NPAS3: variants seen among roughly 807,000 people sequenced by gnomAD.
NPAS3 encodes the protein neuronal PAS domain protein 3, also known as neuronal PAS domain-containing protein 3.
NPAS3 carries 14 observed loss-of-function variants against 73.1 expected under a neutral mutation model. The ratio of observed to expected loss-of-function variants is 0.19; its 90% CI spans 0.13 to 0.30. The LOEUF is 0.30. Ranked by LOEUF, NPAS3 falls within the 10% of genes least tolerant of loss-of-function variation. The pLI is 1.00. For synonymous variants in NPAS3, 620 were observed against 541.5 expected (o/e 1.14, Z -2.01); for missense variants, 1,096 against 1,250.0 (o/e 0.88, Z 1.86).
At chr14:33,490,724 T>C (rs967235792) in intron 4 of NPAS3, among the ~76,000 whole-genome samples, 4 of 152,180 alleles carry the variant, frequency 2.6e-5, no homozygotes, top group African/African-American at 7.2e-5. Context: ...TCCGTCACCC[T>C]GCACTGTGCT....
chr14:33,062,844 T>C (rs1224082606), intron 2 of NPAS3, among the ~76,000 whole-genome samples: 1 of 152,242 alleles, frequency 6.6e-6, no homozygotes, highest in East Asian at 1.9e-4. Flanking sequence ...GTGGTTTCAG[T>C]AAATTCTCCT....
At chr14:33,262,473 G>A (rs1467177204) in intron 3 of NPAS3, among the ~76,000 whole-genome samples, 1 of 152,146 alleles carries the variant, frequency 6.6e-6, no homozygotes, top group Non-Finnish European at 1.5e-5. Context: ...TTGATTCATT[G>A]AAATTAGGTA....
intron 4 of NPAS3, among the ~76,000 whole-genome samples, chr14:33,504,256 G>A (rs1204753849): frequency 6.6e-6 from 1 of 151,968 alleles, no homozygotes; most frequent in African/African-American, 2.4e-5. Context: ...TCCTCTGTGA[G>A]CTGACTTACA....
At position 32,997,144 on chromosome 14, in the gene NPAS3, T is replaced by C. The variant is rs146379637; in HGVS notation, c.50+57778T>C. ...TGACTGCCCTGCTGGATTTCAGACG[T>C]GCATGGGGCCTGTAGCCCCTTTGTT... On this transcript the variant is annotated intron_variant, in intron 1 of 11. Transcript: ENST00000356141. 2.8e-4 allele frequency among the ~76,000 whole-genome samples: 42 copies of C among 152,344 alleles called. 1 individual carries two copies. In the East Asian group the frequency reaches 6.9e-3, roughly 25 times the overall value.
chr14:32,995,710 A>T (rs1194951645), intron 1 of NPAS3, among the ~76,000 whole-genome samples: 1 of 152,176 alleles, frequency 6.6e-6, no homozygotes, highest in Non-Finnish European at 1.5e-5. Flanking sequence ...TCCATGTAAG[A>T]TGTGACTTGC....
At position 33,654,551 on chromosome 14, in the gene NPAS3, C is replaced by T. The variant is rs369266042; in HGVS notation, c.559-21660C>T. 2.4e-3 allele frequency among the ~76,000 whole-genome samples: 364 copies of T among 151,818 alleles called. 3 individuals carry two copies. Among genetic ancestry groups the T allele is most frequent in the African/African-American group, 8.5e-3 (348 of 41,144 alleles). On this transcript the variant is annotated intron_variant, in intron 5 of 11. Coordinates refer to ENST00000356141, the Ensembl canonical transcript of NPAS3. ...ATTCCCAAAAATTTAGGCTCTGCAG[C>T]TCTAAGTAAAGACGCATTCCAAATA...
At chr14:33,284,798 A>G (rs1166032445) in intron 3 of NPAS3, among the ~76,000 whole-genome samples, 5 of 148,906 alleles carry the variant, frequency 3.4e-5, no homozygotes, top group Non-Finnish European at 1.5e-5. Context: ...CTATCTATCT[A>G]TCTATCTATC....
chr14:33,166,760 T>C (rs995843319), intron 2 of NPAS3, among the ~76,000 whole-genome samples: 1 of 152,224 alleles, frequency 6.6e-6, no homozygotes, highest in African/African-American at 2.4e-5. Context: ...CATACGATTC[T>C]GCCTCACTGA....
chr14:33,576,742 A>T (rs1298339591), intron 5 of NPAS3, among the ~76,000 whole-genome samples: 1 of 152,220 alleles, frequency 6.6e-6, no homozygotes, highest in Non-Finnish European at 1.5e-5. Flanking sequence ...TCTGATACGA[A>T]TCGAGAATAA....
chr14:33,134,219 T>G (rs1032837876), intron 2 of NPAS3, among the ~76,000 whole-genome samples: 1 of 152,126 alleles, frequency 6.6e-6, no homozygotes, highest in African/African-American at 2.4e-5. Flanking sequence ...ACTTTTTTTT[T>G]TTTCCTTTTT....
chr14:32,938,460 A>AGT (rs2035774323), upstream of NPAS3, among the ~76,000 whole-genome samples: 1 of 93,616 alleles, frequency 1.1e-5, no homozygotes, highest in African/African-American at 3.6e-5. Flanking sequence ...AACGAGAAAG[A>AGT]GAGAGAGAGA....
At chr14:33,341,984 G>A (rs368086677) in intron 3 of NPAS3, among the ~76,000 whole-genome samples, 6 of 152,180 alleles carry the variant, frequency 3.9e-5, no homozygotes, top group East Asian at 3.9e-4. Context: ...ATGCCATTCC[G>A]TACCTCATCA....
chr14:33,124,842 G>A (rs947471202), intron 2 of NPAS3, among the ~76,000 whole-genome samples: 3 of 152,038 alleles, frequency 2.0e-5, no homozygotes, highest in African/African-American at 7.2e-5. Flanking sequence ...GGTGTTACAA[G>A]AAGAAAAGGG....
At chr14:33,367,647 G>C (rs1257718197) in intron 4 of NPAS3, among the ~76,000 whole-genome samples, 1 of 147,888 alleles carries the variant, frequency 6.8e-6, no homozygotes, top group Non-Finnish European at 1.5e-5. Context: ...TGTTGTGAAA[G>C]TACTGTGATT....
chr14:33,148,973 C>A (rs1167910322), intron 2 of NPAS3, among the ~76,000 whole-genome samples: 1 of 151,952 alleles, frequency 6.6e-6, no homozygotes, highest in Admixed American at 6.6e-5. Flanking sequence ...GCTAGGATAC[C>A]CCGCGAGCCA....
intron 7 of NPAS3, among the ~76,000 whole-genome samples, chr14:33,735,641 T>A (rs2061504528): frequency 6.6e-6 from 1 of 152,126 alleles, no homozygotes; most frequent in African/African-American, 2.4e-5. Flanking sequence ...CAATTTCATA[T>A]CAGTCCTCAA....
intron 5 of NPAS3, among the ~76,000 whole-genome samples, chr14:33,675,610 T>C (rs1212913947): frequency 6.6e-6 from 1 of 152,240 alleles, no homozygotes; most frequent in African/African-American, 2.4e-5. Flanking sequence ...CTCTTTTGTA[T>C]GGAAAATCCC....
chr14:33,134,908 G>C (rs1400545672), intron 2 of NPAS3, among the ~76,000 whole-genome samples: 3 of 151,828 alleles, frequency 2.0e-5, no homozygotes, highest in African/African-American at 4.8e-5. Flanking sequence ...GCATTCACAG[G>C]TATAGTCTGG....
intron 3 of NPAS3, among the ~76,000 whole-genome samples, chr14:33,328,529 C>T (rs147047782): frequency 0.014 from 1,716 of 122,522 alleles, 40 homozygotes; most frequent in African/African-American, 0.05. Context: ...TGCAGTGGCG[C>T]GATCTTGGCT....
Sources: allele counts gnomAD v4.1 joint callset (sites outside exome capture counted in the v4.1 genomes callset), GRCh38; gene constraint gnomAD v4.1.1; transcripts MANE v1.5; gene names NCBI Gene and HGNC (gene_info 2026-07-23, HGNC 2026-07-21).